CAST: variants seen among roughly 807,000 people sequenced by gnomAD.
CAST encodes the protein calpastatin, also known as MIR583 host.
In CAST, 76 loss-of-function variants were observed where a neutral mutation model predicts 119.6. The ratio of observed to expected loss-of-function variants is 0.64; its 90% CI spans 0.53 to 0.77. The LOEUF is 0.77. Among genes scored for constraint, CAST ranks in the 30% least tolerant of loss-of-function variants. The probability of loss-of-function intolerance (pLI) is 0.00; values close to 1 mark genes in which losing one functional copy is unlikely to be tolerated. For missense variants in CAST, 953 were observed against 946.5 expected, an observed-to-expected ratio of 1.01 and a Z score of -0.09; for synonymous variants, 319 against 331.6, an observed-to-expected ratio of 0.96 and a Z score of 0.41.
At chr5:96,747,195 T>G (rs1053435133) in intron 17 of CAST, 150 bp from the exon 18 acceptor site, 1 of 622,248 alleles carries the variant, frequency 1.6e-6, no homozygotes, top group African/African-American at 1.9e-5. Context: ...TTATACTTTA[T>G]AAAAAGTAAA....
the CAST span, among the ~76,000 whole-genome samples, chr5:96,357,334 G>T: frequency 6.6e-6 from 1 of 152,016 alleles, no homozygotes; most frequent in Non-Finnish European, 1.5e-5. Context: ...TCTTTCTCTT[G>T]CCCGATTGCC....
the CAST span, among the ~76,000 whole-genome samples, chr5:96,270,540 G>A: frequency 3.9e-5 from 6 of 152,284 alleles, no homozygotes; most frequent in South Asian, 1.0e-3. Context: ...AAAGGAACAA[G>A]ATCATGTTCT....
the CAST span, among the ~76,000 whole-genome samples, chr5:96,157,623 G>A: frequency 1.3e-5 from 2 of 152,214 alleles, no homozygotes; most frequent in African/African-American, 2.4e-5. Flanking sequence ...GAAACTGTTA[G>A]CAACGGAATT....
chr5:96,744,055 G>A (rs1175913564), intron 16 of CAST, among the ~76,000 whole-genome samples: 3 of 152,138 alleles, frequency 2.0e-5, no homozygotes, highest in Non-Finnish European at 4.4e-5. Flanking sequence ...AAGCAGATAA[G>A]CAGATGTTAA....
the CAST span, among the ~76,000 whole-genome samples, chr5:96,451,762 TC>T: frequency 6.6e-6 from 1 of 152,020 alleles, no homozygotes; most frequent in East Asian, 1.9e-4. Context: ...AGGGCTAATA[TC>T]CAGAATCTAT....
chr5:96,607,796 G>A lies in CAST; in HGVS notation c.61-67743G>A, dbSNP rs530279869. Among the ~76,000 whole-genome samples, 7 of 152,226 alleles carry A rather than the reference G, an allele frequency of 4.6e-5. No individual in the cohort carries two copies. In the South Asian group the frequency reaches 6.2e-4, roughly 14 times the overall value. On this transcript the variant is annotated intron_variant, in intron 1 of 11. Transcript: ENST00000505143. ...AGGGTCTGGTACCAGCCCAGAATAG[G>A]TGGGCCTTTTTTTCTTTTTTAATAG...
chr5:96,715,887 G>T (rs1757106972), intron 3 of CAST, among the ~76,000 whole-genome samples: 1 of 152,174 alleles, frequency 6.6e-6, no homozygotes, highest in South Asian at 2.1e-4. Context: ...ACCATATTCT[G>T]CCCAAAAGAG....
At chr5:96,644,561 G>T (rs1181040354) in intron 1 of CAST, among the ~76,000 whole-genome samples, 1 of 152,176 alleles carries the variant, frequency 6.6e-6, no homozygotes, top group African/African-American at 2.4e-5. Context: ...AAGTTGTGCA[G>T]GTGGTATGGA....
the CAST span, chr5:96,429,066 G>A: frequency 6.8e-6 from 4 of 585,672 alleles, no homozygotes; most frequent in East Asian, 5.7e-5. Context: ...TAATTTTATG[G>A]AAAGAAATTA....
chr5:96,507,990 CATTATTATTATTATTATT>C, the CAST span, among the ~76,000 whole-genome samples: 3 of 142,252 alleles, frequency 2.1e-5, no homozygotes, highest in Admixed American at 7.2e-5. Context: ...ATATCCCTGA[CATTATTATTATTATTATT>C]ATTATTATTA....
the CAST span, among the ~76,000 whole-genome samples, chr5:96,349,110 C>G: frequency 7.9e-6 from 1 of 126,828 alleles, no homozygotes; most frequent in Non-Finnish European, 1.7e-5. Flanking sequence ...GTCTCTCTCT[C>G]ATTTTTCTTT....
the CAST span, among the ~76,000 whole-genome samples, chr5:95,966,723 T>G: frequency 6.6e-6 from 1 of 152,210 alleles, no homozygotes; most frequent in African/African-American, 2.4e-5. Context: ...GCACGTTAGC[T>G]TCCTAAGATG....
the CAST span, among the ~76,000 whole-genome samples, chr5:96,414,182 G>A: frequency 4.0e-5 from 6 of 151,656 alleles, no homozygotes; most frequent in African/African-American, 1.5e-4. Context: ...ACCAGCTGTG[G>A]AATCTTGGGC....
the CAST span, among the ~76,000 whole-genome samples, chr5:96,321,082 TCCAGGTTACCTA>T: frequency 6.6e-6 from 1 of 152,196 alleles, no homozygotes; most frequent in Non-Finnish European, 1.5e-5. Flanking sequence ...TGCTTATCTC[TCCAGGTTACCTA>T]CCTGTTTCAT....
At chr5:96,676,343 C>A in intron 2 of CAST, among the ~76,000 whole-genome samples, 1 of 152,176 alleles carries the variant, frequency 6.6e-6, no homozygotes, top group East Asian at 1.9e-4. Flanking sequence ...TTAAAAGGTA[C>A]ATGGAAATTT....
intron 2 of CAST, among the ~76,000 whole-genome samples, chr5:96,693,367 T>C (rs1752944666): frequency 6.6e-6 from 1 of 152,248 alleles, no homozygotes; most frequent in Non-Finnish European, 1.5e-5. Flanking sequence ...ACAGCCAAAA[T>C]ACAAATTTTT....
At chr5:96,235,920 G>A in the CAST span, among the ~76,000 whole-genome samples, 1 of 152,148 alleles carries the variant, frequency 6.6e-6, no homozygotes, top group African/African-American at 2.4e-5. Flanking sequence ...CTAGACCATG[G>A]ATACCCCTAT....
the CAST span, among the ~76,000 whole-genome samples, chr5:96,428,141 C>G: frequency 1.3e-5 from 2 of 152,282 alleles, no homozygotes; most frequent in Admixed American, 1.3e-4. Flanking sequence ...TCTTTTTCTT[C>G]TTCTTTTAAA....
the CAST span, among the ~76,000 whole-genome samples, chr5:96,233,605 G>A: frequency 1.3e-5 from 2 of 152,052 alleles, no homozygotes; most frequent in Non-Finnish European, 2.9e-5. Context: ...CTGGACAGAT[G>A]GCAGATACAA....
Sources: allele counts gnomAD v4.1 joint callset (sites outside exome capture counted in the v4.1 genomes callset), GRCh38; gene constraint gnomAD v4.1.1; transcripts MANE v1.5; gene names NCBI Gene and HGNC (gene_info 2026-07-23, HGNC 2026-07-21).